The following MXRA5 variants were observed in gnomAD, a reference collection of about 807,000 sequenced individuals.
MXRA5 encodes matrix-remodeling-associated protein 5.
A neutral mutation model predicts 112.5 loss-of-function variants in MXRA5; 41 were observed. That is an observed-to-expected ratio of 0.36 (90% confidence interval 0.28 to 0.47). MXRA5 has a LOEUF of 0.47. MXRA5 is among the 20% of genes least tolerant of loss of function. The pLI, the probability that MXRA5 is intolerant of heterozygous loss-of-function variation, is 0.99. For synonymous variants in MXRA5, 862 were observed against 900.8 expected (o/e 0.96, Z 0.77); for missense variants, 2,150 against 2,251.0 (o/e 0.96, Z 0.91).
chrX:3,338,640 CAGAT>C (rs201063416), intron 2 of MXRA5, among the ~76,000 whole-genome samples: 347 of 104,690 alleles, frequency 3.3e-3, no homozygotes, highest in Middle Eastern at 5.3e-3. Context: ...AGATGATAGA[CAGAT>C]AGATAGATAG....
intron 2 of MXRA5, among the ~76,000 whole-genome samples, chrX:3,342,125 G>T (rs1480461529): frequency 9.0e-6 from 1 of 110,524 alleles, no homozygotes; most frequent in Admixed American, 9.8e-5. Flanking sequence ...CATCCTCAGC[G>T]AACTAACAAG....
Position 3,310,487 on chromosome X carries a change from G to A in MXRA5, c.7716C>T (p.Pro2572=). The change falls in exon 7 of 7, where the codon CCC becomes CCT. Residue 2572 remains proline, a synonymous_variant. Transcript: ENST00000217939. The part of the protein sequence containing the change: ...LNCSAAGTPT[P]SLVWVLPNGT... The stretch of plus-strand genomic sequence containing the variant: ...CATTGGGAAGGACCCACACCAGGCT[G>A]GGTGTCGGGGTCCCCGCGGCAGAGC... 1.7e-6 allele frequency: 2 copies of A among 1,205,558 alleles called. No homozygotes were observed. The highest frequency in any genetic ancestry group is 2.2e-6 in the Non-Finnish European group (2 of 892,814).
In MXRA5 at chrX:3,321,604, T is replaced by C; in HGVS notation, c.4081A>G (p.Thr1361Ala). The stretch of plus-strand genomic sequence containing the variant: ...GATTCTTCCTTAAATTCTCCCATAG[T>C]GGAGACCAAGGAGCGAGAAGTTGGT... ...AIPTSRSLVS[T>A]MGEFKEESSP... The change falls in exon 5 of 7, where the codon ACT becomes GCT. Residue 1361 changes from threonine to alanine, a missense_variant. Thr to Ala is a moderately conservative substitution (Grantham distance 58, BLOSUM62 0). Around this residue, in one of 6 missense-constraint regions of MXRA5, gnomAD observed 1,485 missense variants for 1,471.6 expected, o/e 1.01. Transcript: ENST00000217939. 1 of 1,210,865 alleles carries C rather than the reference T, an allele frequency of 8.3e-7. No homozygotes were observed.
chrX:3,326,420 ATATATT>A (rs904781553), intron 4 of MXRA5, among the ~76,000 whole-genome samples: 1 of 101,440 alleles, frequency 9.9e-6, no homozygotes, highest in African/African-American at 3.5e-5. Flanking sequence ...TCTAGGGACT[ATATATT>A]TATAACTCTC....
chrX:3,331,687 T>G (rs1372767435), intron 2 of MXRA5, among the ~76,000 whole-genome samples: 1 of 112,435 alleles, frequency 8.9e-6, no homozygotes, highest in African/African-American at 3.2e-5. Context: ...TGTTTCTTCC[T>G]GTAACCTGTC....
chrX:3,317,345 G>A lies in MXRA5; in HGVS notation c.6336C>T (p.Leu2112=), dbSNP rs1432139914. 2 of 1,208,388 alleles carry A rather than the reference G, an allele frequency of 1.7e-6. No individual in the cohort carries two copies. Among genetic ancestry groups the A allele is most frequent in the African/African-American group, 1.7e-5 (1 of 57,721 alleles). ...FPNGTLYIRN[L]APKDSGRYEC... The stretch of plus-strand genomic sequence containing the variant: ...CATAGCGCCCGCTGTCCTTGGGCGC[G>A]AGGTTGCGGATGTAGAGCGTCCCGT... Residue 2112 remains leucine (L), a synonymous_variant, in exon 6 of 7, where the codon CTC becomes CTT. Transcript: ENST00000217939.
At position 3,310,562 on chromosome X, in the gene MXRA5, C is replaced by G; in HGVS notation, c.7641G>C (p.Pro2547=). 2 of 1,155,722 alleles carry G rather than the reference C, an allele frequency of 1.7e-6. No homozygotes were observed. Among genetic ancestry groups the G allele is most frequent in the Non-Finnish European group, 1.2e-6 (1 of 859,933 alleles). ...EPMEKPIFHD[P]ISEKITAMAG... ...CCATGGCCGTGATCTTCTCGCTGATCGGGTCGTGGAAGATGGGTTTCTCCA... is the reference window on the plus strand; with the variant it reads ...CCATGGCCGTGATCTTCTCGCTGATGGGGTCGTGGAAGATGGGTTTCTCCA... The change falls in exon 7 of 7, where the codon CCG becomes CCC. Residue 2547 remains proline (P), a synonymous_variant. Transcript: ENST00000217939.
intron 2 of MXRA5, 83 bp downstream of exon 2, chrX:3,343,563 G>A: frequency 1.1e-6 from 1 of 917,422 alleles, no homozygotes; most frequent in African/African-American, 1.9e-5. Flanking sequence ...ATGAAGTTAA[G>A]TAAATGCACA....
intron 1 of MXRA5, among the ~76,000 whole-genome samples, chrX:3,345,877 C>T (rs1376127610): frequency 1.8e-5 from 2 of 112,808 alleles, no homozygotes; most frequent in African/African-American, 3.2e-5. Flanking sequence ...CTGCGAGTCC[C>T]CGCCGCCCGG....
intron 5 of MXRA5, among the ~76,000 whole-genome samples, chrX:3,318,794 CAATG>C (rs1405849534): frequency 9.0e-6 from 1 of 111,631 alleles, no homozygotes; most frequent in Non-Finnish European, 1.9e-5. Flanking sequence ...AAGTGTCCAT[CAATG>C]AATGAATGGA....
chrX:3,335,259 C>G (rs2146930262), intron 2 of MXRA5, among the ~76,000 whole-genome samples: 1 of 111,621 alleles, frequency 9.0e-6, no homozygotes, highest in East Asian at 2.8e-4. Flanking sequence ...TGCAGTGGCG[C>G]CATCTCGGCT....
chrX:3,321,767 G>A lies in MXRA5; in HGVS notation c.3918C>T (p.Tyr1306=), dbSNP rs773767926. ...CTGGAAGTGTCTCTTGGACTTTAGG[G>A]TAAGATGAATATATTTTTCTGGTGG... ...MTTTRKIYSS[Y]PKVQETLPVT... Residue 1306 remains tyrosine, a synonymous_variant, in exon 5 of 7, where the codon TAC becomes TAT. Coordinates refer to ENST00000217939, the MANE Select transcript of MXRA5 (RefSeq NM_015419.4). 1.7e-6 allele frequency: 2 copies of A among 1,210,557 alleles called. No individual in the cohort carries two copies. Among genetic ancestry groups the A allele is most frequent in the Non-Finnish European group, 1.1e-6 (1 of 894,613 alleles).
At chrX:3,318,218 T>C (rs1383348429) in intron 5 of MXRA5, among the ~76,000 whole-genome samples, 1 of 111,793 alleles carries the variant, frequency 8.9e-6, no homozygotes, top group Non-Finnish European at 1.9e-5. Context: ...GAGAGTGCAG[T>C]GGTACAATCA....
At position 3,309,124 on chromosome X, in the gene MXRA5, GT is replaced by G. The variant is rs1332591641; in HGVS notation, c.*591del. The stretch of plus-strand genomic sequence containing the variant: ...TAAAAAGTGAGTTCCAGGAAGAAAT[GT>G]TTTTCTTTTTTCATATAAAATGGTA... On this transcript the variant is annotated 3_prime_UTR_variant, in exon 7 of 7. Coordinates refer to ENST00000217939, the MANE Select transcript of MXRA5 (RefSeq NM_015419.4). 1 of 111,197 alleles carries G rather than the reference GT, an allele frequency of 9.0e-6. No homozygotes were observed. Among genetic ancestry groups the G allele is most frequent in the African/African-American group, 3.3e-5 (1 of 30,526 alleles). The allele number at this position is 111,197 out of a possible 1,213,427, so 9.2% of individuals were successfully genotyped here.
rs41304689 is a variant in MXRA5 at position 3,323,205 on chromosome X, G to A, written c.2480C>T (p.Pro827Leu). Residue 827 changes from proline to leucine, a missense_variant, in exon 5 of 7, where the codon CCC becomes CTC. By Grantham distance (98) the Pro-to-Leu change is moderately conservative (BLOSUM62 -3). Transcript: ENST00000217939. ...TACTGTCTGCACAGGAGATGCTGAG[G>A]GGGGAGAAATAGCAGGAAAAGGTGG... is the stretch of plus-strand genomic sequence containing the variant. ...VTPPFPAISPPSASPVQTVTS... is the reference protein window; with the variant it reads ...VTPPFPAISPLSASPVQTVTS... 32 of 1,209,101 alleles carry A rather than the reference G, an allele frequency of 2.6e-5. No individual in the cohort carries two copies. Among genetic ancestry groups the A allele is most frequent in the Non-Finnish European group, 3.5e-5 (31 of 895,020 alleles).
rs1294735947 is a variant in MXRA5 at position 3,317,204 on chromosome X, C to T, written c.6477G>A (p.Arg2159=). The T allele has an allele frequency of 1.7e-6, 2 of 1,209,815 alleles. No individual in the cohort carries two copies. Among genetic ancestry groups the T allele is most frequent in the Non-Finnish European group, 1.1e-6 (1 of 895,065 alleles). ...TGTSPRRTDV[R]YGGTLKLDCS... Reference sequence around the variant, plus strand: ...AGTCCAGCTTGAGGGTTCCTCCGTACCTGACGTCCGTCCTCCGCGGGGAGG... The same window carrying T: ...AGTCCAGCTTGAGGGTTCCTCCGTATCTGACGTCCGTCCTCCGCGGGGAGG... The change falls in exon 6 of 7, where the codon AGG becomes AGA. Residue 2159 remains arginine, a synonymous_variant. Coordinates refer to ENST00000217939, the MANE Select transcript of MXRA5 (RefSeq NM_015419.4).
rs142902268 is a variant in MXRA5, at chrX:3,320,330, C to T, written c.5355G>A (p.Pro1785=). Residue 1785 remains proline, a synonymous_variant, in exon 5 of 7, where the codon CCG becomes CCA. Coordinates refer to ENST00000217939, the MANE Select transcript of MXRA5 (RefSeq NM_015419.4). ...HSTFHLDFGP[P]APPLLHTPQT... is the part of the protein sequence containing the mutation. The stretch of plus-strand genomic sequence containing the variant: ...GCGGAGTGTGCAACAACGGAGGTGC[C>T]GGAGGGCCAAAGTCCAGATGGAAGG... The T allele has an allele frequency of 8.3e-5, 101 of 1,210,044 alleles. No individual in the cohort carries two copies. Among genetic ancestry groups the T allele is most frequent in the Middle Eastern group, 4.6e-4 (2 of 4,356 alleles).
At position 3,317,892 on chromosome X, in the gene MXRA5, G is replaced by A. The variant is rs1164810940; in HGVS notation, c.5789C>T (p.Ala1930Val). 1 of 1,209,436 alleles carries A rather than the reference G, an allele frequency of 8.3e-7. No homozygotes were observed. Among genetic ancestry groups the A allele is most frequent in the East Asian group, 3.0e-5 (1 of 33,742 alleles). The change falls in exon 6 of 7, where the codon GCC becomes GTC. Residue 1930 changes from alanine (A) to valine (V), a missense_variant. This residue lies in a region of MXRA5 where 1,485 missense variants were observed against 1,471.6 expected (regional missense o/e 1.01). Transcript: ENST00000217939. ...VQDRGQYMCT[A>V]SNLHGLDRMV... is the part of the protein sequence containing the mutation. ...CCTGTCCAGGCCGTGCAGGTTGCTG[G>A]CGGTGCACATATACTGGCCTCGATC...
chrX:3,324,735 C>T lies in MXRA5; in HGVS notation c.950G>A (p.Ser317Asn). ...ILEKFQLPQW[S>N]ISLNMTDEHG... ...CTCGTCGGTCATATTCAAAGAGATGCTCCACTGGGGCAGTTGGAATTTCTC... is the reference window on the plus strand; with the variant it reads ...CTCGTCGGTCATATTCAAAGAGATGTTCCACTGGGGCAGTTGGAATTTCTC... Residue 317 changes from serine to asparagine, a missense_variant, in exon 5 of 7, where the codon AGC (serine) becomes AAC (asparagine). Around this residue, in one of 6 missense-constraint regions of MXRA5, gnomAD observed 386 missense variants for 411.0 expected, o/e 0.94. Coordinates refer to ENST00000217939, the MANE Select transcript of MXRA5 (RefSeq NM_015419.4). The T allele has an allele frequency of 8.3e-7, 1 of 1,209,949 alleles. No homozygotes were observed. The highest frequency in any genetic ancestry group is 1.8e-5 in the South Asian group (1 of 56,732).
Sources: gnomAD v4.1 joint callset for allele counts (sites outside exome capture counted in the v4.1 genomes callset) on GRCh38, gnomAD v4.1.1 for gene constraint, gnomAD v4.1.1 regional missense constraint, MANE v1.5 for transcripts, NCBI Gene and HGNC (gene_info 2026-07-23, HGNC 2026-07-21) for gene names.